The following ANO5 variants were observed in gnomAD, a reference collection of about 807,000 sequenced individuals.
ANO5 encodes the protein anoctamin 5.
A neutral mutation model predicts 121.0 loss-of-function variants in ANO5; 109 were observed. The observed-to-expected ratio is 0.90, with a 90% CI of 0.77 to 1.06. The LOEUF (loss-of-function observed/expected upper bound fraction) is 1.06. Ranked by LOEUF, ANO5 falls within the 50% of genes least tolerant of loss-of-function variation. The pLI, the probability that ANO5 is intolerant of heterozygous loss-of-function variation, is 0.00. For synonymous variants in ANO5, 406 were observed against 359.9 expected, an observed-to-expected ratio of 1.13 and a Z score of -1.45; for missense variants, 1,064 against 1,078.5, an observed-to-expected ratio of 0.99 and a Z score of 0.19.
intron 14 of ANO5, 61 bp from the exon 15 acceptor site, chr11:22,259,458 A>C: frequency 7.0e-7 from 1 of 1,427,246 alleles, no homozygotes; most frequent in Non-Finnish European, 9.9e-7. Context: ...AATATGTTAG[A>C]TATATATTCA....
intron 9 of ANO5, among the ~76,000 whole-genome samples, chr11:22,240,177 G>T (rs761797336): frequency 1.4e-4 from 21 of 151,918 alleles, no homozygotes; most frequent in Non-Finnish European, 2.8e-4. Flanking sequence ...ATGGATGTTT[G>T]TGTGTGTGTG....
chr11:22,255,341 T>C, intron 12 of ANO5, 30 bp from the exon 13 acceptor site: 5 of 1,512,256 alleles, frequency 3.3e-6, no homozygotes, highest in Non-Finnish European at 4.4e-6. Context: ...TTTTTTAATA[T>C]CTTTTTTTTA....
chr11:22,273,071 C>A, intron 19 of ANO5, 82 bp downstream of exon 19: 1 of 1,339,378 alleles, frequency 7.5e-7, no homozygotes, highest in Non-Finnish European at 1.1e-6. Flanking sequence ...TTAATCTTTA[C>A]ATGATTTCAT....
chr11:22,250,711 T>A (rs1853784670), intron 10 of ANO5, 30 bp from the exon 11 acceptor site: 1 of 1,597,732 alleles, frequency 6.3e-7, no homozygotes, highest in African/African-American at 1.3e-5. Context: ...CACCTATCAC[T>A]GTTCAATAAC....
At chr11:22,245,823 A>G (rs1004468800) in intron 9 of ANO5, among the ~76,000 whole-genome samples, 4 of 152,010 alleles carry the variant, frequency 2.6e-5, no homozygotes, top group African/African-American at 9.7e-5. Context: ...CTGTGTTTTG[A>G]CTGTGGCTCA....
chr11:22,200,330 C>T (rs1382771940), intron 1 of ANO5, among the ~76,000 whole-genome samples: 3 of 152,086 alleles, frequency 2.0e-5, no homozygotes, highest in Non-Finnish European at 2.9e-5. Flanking sequence ...TATGTTTTCC[C>T]ATCATACTTT....
chr11:22,267,791 CAGTG>C (rs1481433695), intron 17 of ANO5, among the ~76,000 whole-genome samples: 3 of 152,122 alleles, frequency 2.0e-5, no homozygotes, highest in Admixed American at 6.5e-5. Context: ...TGATAGGCCC[CAGTG>C]TCTGCTGTTC....
intron 17 of ANO5, 84 bp from the exon 18 acceptor site, chr11:22,270,228 C>T: frequency 6.5e-7 from 1 of 1,528,334 alleles, no homozygotes; most frequent in Middle Eastern, 1.7e-4. Context: ...TAATTTCTGC[C>T]AGTTTCCAGA....
rs1855126488 is a variant in ANO5 at position 22,282,753 on chromosome 11, G to A, written c.*2988G>A. 6.6e-6 allele frequency: 1 copy of A among 152,170 alleles called. No homozygotes were observed. Among genetic ancestry groups the A allele is most frequent in the Non-Finnish European group, 1.5e-5 (1 of 68,012 alleles). The allele number at this position is 152,170 out of a possible 1,614,324, so 9.4% of individuals were successfully genotyped here. A position where few individuals can be genotyped will look rare whatever the true frequency, so the allele number is the denominator to read the frequency against. ...CCAAAGTGGTTTTGTAGTGTTGGGT[G>A]CTATGAGTAGGTATGGATCTCTGTT... On this transcript the variant is annotated 3_prime_UTR_variant, in exon 22 of 22. Coordinates refer to ENST00000324559, the MANE Select transcript of ANO5 (RefSeq NM_213599.3).
intron 1 of ANO5, among the ~76,000 whole-genome samples, chr11:22,201,461 G>A: frequency 6.6e-6 from 1 of 152,184 alleles, no homozygotes; most frequent in Non-Finnish European, 1.5e-5. Context: ...GGGAGAGAGT[G>A]ACTTTCAAGC....
rs942366672 is a variant in ANO5, at chr11:22,281,673, T to C, written c.*1908T>C. The C allele has an allele frequency of 6.6e-5, 10 of 152,182 alleles. No individual in the cohort carries two copies. The highest frequency in any genetic ancestry group is 2.4e-4 in the African/African-American group (10 of 41,568). 9.4% of individuals were successfully genotyped at this position (152,182 alleles called of 1,614,324 possible). ...TAAAAATAAGAAAGAGCATGGAAAT[T>C]GGTTTCTTGAATATAAGCTTTAATT... On this transcript the variant is annotated 3_prime_UTR_variant, in exon 22 of 22. Transcript: ENST00000324559.
rs772852694 is a variant in ANO5 at position 22,274,723 on chromosome 11, A to G, written c.2390A>G (p.Glu797Gly). ...TTTCCAAACCACACTGCACCTTCGG[A>G]AAAACGAGACTTCATCACTTGCAGG... ...ADFPNHTAPS[E>G]KRDFITCRYR... The change falls in exon 20 of 22, where the codon GAA becomes GGA. Residue 797 changes from glutamate (E) to glycine (G), a missense_variant. Transcript: ENST00000324559. 3 of 1,613,474 alleles carry G rather than the reference A, an allele frequency of 1.9e-6. No individual in the cohort carries two copies. In the Admixed American group the frequency reaches 5.0e-5, roughly 27 times the overall value.
At chr11:22,266,644 C>A (rs1854376516) in intron 17 of ANO5, among the ~76,000 whole-genome samples, 1 of 151,898 alleles carries the variant, frequency 6.6e-6, no homozygotes, top group African/African-American at 2.4e-5. Context: ...TACTTTTAAA[C>A]TTCTGGTTAC....
rs1053189991 is a variant in ANO5, at chr11:22,272,933, A to T, written c.2179A>T (p.Ile727Leu). 4 of 1,614,008 alleles carry T rather than the reference A, an allele frequency of 2.5e-6. No individual in the cohort carries two copies. The East Asian group carries it at 6.7e-5, about 27-fold the overall frequency. ...RRTVASKAHSIGVWQDILYGM... is the reference protein window; with the variant it reads ...RRTVASKAHSLGVWQDILYGM... ...AACTGTAGCTTCTAAAGCTCATAGC[A>T]TAGGTGTTTGGCAAGACATTCTTTA... Residue 727 changes from isoleucine (I) to leucine (L), a missense_variant, in exon 19 of 22, where the codon ATA (isoleucine) becomes TTA (leucine). Ile to Leu is a conservative substitution (Grantham distance 5). Transcript: ENST00000324559.
rs528669924 is a variant in ANO5, at chr11:22,252,202, G to T, written c.1180+1191G>T. Among the ~76,000 whole-genome samples the T allele has an allele frequency of 6.6e-5, 10 of 152,204 alleles. No individual in the cohort carries two copies. The South Asian group carries it at 2.1e-3, about 32-fold the overall frequency. ...AGCCTAGATTCAAAGAAAGAATAAAGAATCTAGAAATCTTATTAATGGTTT... is the reference window on the plus strand; with the variant it reads ...AGCCTAGATTCAAAGAAAGAATAAATAATCTAGAAATCTTATTAATGGTTT... On this transcript the variant is annotated intron_variant, in intron 12 of 21. Transcript: ENST00000324559.
intron 9 of ANO5, among the ~76,000 whole-genome samples, chr11:22,241,015 A>AT (rs1003366862): frequency 5.3e-5 from 8 of 151,582 alleles, no homozygotes; most frequent in Non-Finnish European, 7.4e-5. Flanking sequence ...GGCTGTCCCA[A>AT]TTTTTTTATA....
intron 7 of ANO5, among the ~76,000 whole-genome samples, chr11:22,234,294 G>T (rs1263907775): frequency 6.6e-6 from 1 of 152,006 alleles, no homozygotes; most frequent in Non-Finnish European, 1.5e-5. Context: ...GCTGCTGTAG[G>T]TTTCATCTTT....
At chr11:22,208,565 G>A (rs1405611386) in intron 2 of ANO5, among the ~76,000 whole-genome samples, 3 of 151,988 alleles carry the variant, frequency 2.0e-5, no homozygotes, top group Non-Finnish European at 4.4e-5. Context: ...GGTAGCATGA[G>A]GAAGATCCTT....
chr11:22,221,768 A>G (rs10766923), intron 5 of ANO5, among the ~76,000 whole-genome samples: 105,214 of 151,868 alleles, frequency 0.69, 37,959 homozygotes, highest in Non-Finnish European at 0.81. Context: ...TATAATGGAT[A>G]CTCAATAAAT....
Sources: gnomAD v4.1 joint callset for allele counts (sites outside exome capture counted in the v4.1 genomes callset) on GRCh38, gnomAD v4.1.1 for gene constraint, MANE v1.5 for transcripts, NCBI Gene and HGNC (gene_info 2026-07-23, HGNC 2026-07-21) for gene names.